SEMA5A: variants seen among roughly 807,000 people sequenced by gnomAD.
The protein encoded by SEMA5A is semaphorin 5A.
SEMA5A carries 55 observed loss-of-function variants against 135.5 expected under a neutral mutation model. The ratio of observed to expected loss-of-function variants is 0.41; its 90% CI spans 0.33 to 0.51. SEMA5A has a LOEUF of 0.51. Among genes scored for constraint, SEMA5A ranks in the 20% least tolerant of loss-of-function variants. SEMA5A has a pLI of 0.37. For synonymous variants in SEMA5A, 580 were observed against 546.5 expected (o/e 1.06, Z -0.85); for missense variants, 1,290 against 1,419.9 (o/e 0.91, Z 1.47).
chr5:9,213,896 G>A (rs1412742063), intron 8 of SEMA5A, among the ~76,000 whole-genome samples: 1 of 152,150 alleles, frequency 6.6e-6, no homozygotes, highest in East Asian at 1.9e-4. Context: ...GGCCATGGCA[G>A]CACTCTGGCT....
chr5:9,247,264 T>C (rs765135007), intron 5 of SEMA5A, among the ~76,000 whole-genome samples: 3 of 152,204 alleles, frequency 2.0e-5, no homozygotes, highest in Non-Finnish European at 4.4e-5. Context: ...TAAAGCCACC[T>C]ATATTGGCAT....
At chr5:9,475,268 C>G (rs1450900292) in intron 1 of SEMA5A, among the ~76,000 whole-genome samples, 1 of 152,212 alleles carries the variant, frequency 6.6e-6, no homozygotes, top group East Asian at 1.9e-4. Context: ...TCACAGAGGC[C>G]TTTGTGGTCC....
Position 9,042,785 on chromosome 5 carries a change from G to T in SEMA5A, c.*112C>A. 1 of 1,325,604 alleles carries T rather than the reference G, an allele frequency of 7.5e-7. No homozygotes were observed. The highest frequency in any genetic ancestry group is 1.1e-6 in the Non-Finnish European group (1 of 944,268). 82.1% of individuals were successfully genotyped at this position (1,325,604 alleles called of 1,614,324 possible). ...ATGGGACACTCTGGTGGCTTGAAATGCACTTGAAATGTATCCAAACTTCGA... is the reference window on the plus strand; with the variant it reads ...ATGGGACACTCTGGTGGCTTGAAATTCACTTGAAATGTATCCAAACTTCGA... On this transcript the variant is annotated 3_prime_UTR_variant, in exon 23 of 23. Coordinates refer to ENST00000382496, the MANE Select transcript of SEMA5A (RefSeq NM_003966.3).
At chr5:9,211,569 G>A (rs565285765) in intron 8 of SEMA5A, among the ~76,000 whole-genome samples, 33 of 152,136 alleles carry the variant, frequency 2.2e-4, no homozygotes, top group South Asian at 1.0e-3. Context: ...ACAAAGTCAC[G>A]CCACCCTAGC....
At chr5:9,200,668 C>T (rs1351531246) in intron 9 of SEMA5A, among the ~76,000 whole-genome samples, 1 of 152,182 alleles carries the variant, frequency 6.6e-6, no homozygotes, top group Non-Finnish European at 1.5e-5. Context: ...TTTCTAACCT[C>T]ATGTCAGAAA....
intron 5 of SEMA5A, among the ~76,000 whole-genome samples, chr5:9,289,469 T>A (rs1750963451): frequency 6.6e-6 from 1 of 152,020 alleles, no homozygotes; most frequent in African/African-American, 2.4e-5. Context: ...ATTGAGAACA[T>A]CCTGGCTGAC....
intron 10 of SEMA5A, among the ~76,000 whole-genome samples, chr5:9,195,196 G>A (rs1340767721): frequency 6.6e-6 from 1 of 152,090 alleles, no homozygotes; most frequent in South Asian, 2.1e-4. Context: ...TTAGAGACAG[G>A]GTCTTGCTCT....
chr5:9,187,750 G>C (rs1341726307), intron 11 of SEMA5A, among the ~76,000 whole-genome samples: 1 of 152,184 alleles, frequency 6.6e-6, no homozygotes, highest in African/African-American at 2.4e-5. Flanking sequence ...ACAATAAAGC[G>C]AATCTCTGCG....
chr5:9,305,478 G>A (rs1428170268), intron 5 of SEMA5A, among the ~76,000 whole-genome samples: 1 of 151,782 alleles, frequency 6.6e-6, no homozygotes, highest in Non-Finnish European at 1.5e-5. Context: ...CATTAGAGCT[G>A]GGCACCCACA....
chr5:9,074,381 G>T (rs1737932154), intron 16 of SEMA5A, among the ~76,000 whole-genome samples: 1 of 151,976 alleles, frequency 6.6e-6, no homozygotes, highest in Admixed American at 6.6e-5. Flanking sequence ...TAAAACCAAA[G>T]AACTCCTAGA....
chr5:9,254,286 A>G (rs1016407017), intron 5 of SEMA5A, among the ~76,000 whole-genome samples: 10 of 152,234 alleles, frequency 6.6e-5, no homozygotes, highest in African/African-American at 1.9e-4. Context: ...ATACAAGTTG[A>G]GAAGTAAAGG....
At chr5:9,080,456 T>C (rs1738313398) in intron 16 of SEMA5A, among the ~76,000 whole-genome samples, 1 of 151,602 alleles carries the variant, frequency 6.6e-6, no homozygotes, top group Non-Finnish European at 1.5e-5. Flanking sequence ...GACAGGTTGA[T>C]GGGTGCAGCA....
intron 4 of SEMA5A, among the ~76,000 whole-genome samples, chr5:9,333,907 T>C (rs538791309): frequency 6.6e-6 from 1 of 152,176 alleles, no homozygotes; most frequent in Admixed American, 6.5e-5. Context: ...TTATTAACTT[T>C]TAAAGAGACT....
rs10695963 is a variant in SEMA5A, at chr5:9,038,731, CTTT to C, written c.*4163_*4165del. On this transcript the variant is annotated 3_prime_UTR_variant, in exon 23 of 23. Transcript: ENST00000382496. ...AGAGACCCCCCGCTAAGACTTTGTT[CTTT>C]TTTTTTTTTTTTGAGACAGGGTCTC... 239 of 140,544 alleles carry C rather than the reference CTTT, an allele frequency of 1.7e-3. No individual in the cohort carries two copies. The highest frequency in any genetic ancestry group is 7.5e-3 in the Middle Eastern group (2 of 266). The allele number at this position is 140,544 out of a possible 1,614,324, so 8.7% of individuals were successfully genotyped here. A position where few individuals can be genotyped will look rare whatever the true frequency, so the allele number is the denominator to read the frequency against.
At chr5:9,076,298 C>G (rs1396283769) in intron 16 of SEMA5A, among the ~76,000 whole-genome samples, 1 of 151,264 alleles carries the variant, frequency 6.6e-6, no homozygotes, top group African/African-American at 2.4e-5. Context: ...TGAAATAATT[C>G]AGGCCCCAAA....
At chr5:9,171,594 T>C (rs1743922941) in intron 11 of SEMA5A, among the ~76,000 whole-genome samples, 1 of 152,152 alleles carries the variant, frequency 6.6e-6, no homozygotes, top group Admixed American at 6.5e-5. Context: ...AATCTTTTCA[T>C]GGGTGCAGAT....
chr5:9,424,364 C>T (rs78387218), intron 2 of SEMA5A, among the ~76,000 whole-genome samples: 9,343 of 152,258 alleles, frequency 0.061, 384 homozygotes, highest in South Asian at 0.11. Flanking sequence ...TTTAAGATCA[C>T]TTCTGAAGTA....
At chr5:9,144,332 G>T (rs954075950) in intron 12 of SEMA5A, among the ~76,000 whole-genome samples, 2 of 152,218 alleles carry the variant, frequency 1.3e-5, no homozygotes, top group African/African-American at 4.8e-5. Flanking sequence ...AATGCAGAAG[G>T]TGTCAAGTAA....
intron 9 of SEMA5A, among the ~76,000 whole-genome samples, chr5:9,200,547 T>C (rs775940807): frequency 1.1e-4 from 16 of 152,172 alleles, no homozygotes; most frequent in Non-Finnish European, 2.2e-4. Context: ...TTTTTTAAAG[T>C]AACTTATCAA....
Sources: gnomAD v4.1 joint callset for allele counts (sites outside exome capture counted in the v4.1 genomes callset) on GRCh38, gnomAD v4.1.1 for gene constraint, MANE v1.5 for transcripts, NCBI Gene and HGNC (gene_info 2026-07-23, HGNC 2026-07-21) for gene names.